SPAG16: variants seen among roughly 807,000 people sequenced by gnomAD.
The protein encoded by SPAG16 is sperm associated antigen 16.
Under a neutral mutation model 80.4 loss-of-function variants are expected in SPAG16, and 86 were observed. The ratio of observed to expected loss-of-function variants is 1.07; its 90% CI spans 0.90 to 1.28. The LOEUF (loss-of-function observed/expected upper bound fraction) is 1.28, where lower values mean the gene tolerates loss of function less well. Among genes scored for constraint, SPAG16 ranks in the 50% most tolerant of loss-of-function variants. The pLI, the probability that SPAG16 is intolerant of heterozygous loss-of-function variation, is 0.00. For missense variants in SPAG16, 870 were observed against 765.3 expected (o/e 1.14, Z -1.61); for synonymous variants, 294 against 265.9 (o/e 1.11, Z -1.03).
At chr2:213,603,137 C>A (rs1339972794) in intron 10 of SPAG16, among the ~76,000 whole-genome samples, 1 of 152,206 alleles carries the variant, frequency 6.6e-6, no homozygotes, top group Non-Finnish European at 1.5e-5. Context: ...ACTGAAGAGG[C>A]AGAGGCAGCC....
At chr2:214,120,455 T>G (rs1334043786) in intron 14 of SPAG16, among the ~76,000 whole-genome samples, 1 of 151,880 alleles carries the variant, frequency 6.6e-6, no homozygotes, top group Non-Finnish European at 1.5e-5. Context: ...TGATCTATAA[T>G]TTCTATAAAT....
intron 14 of SPAG16, among the ~76,000 whole-genome samples, chr2:214,109,619 C>T (rs1407863116): frequency 6.6e-6 from 1 of 152,146 alleles, no homozygotes; most frequent in Non-Finnish European, 1.5e-5. Context: ...GTTGATTGCT[C>T]CAATTGAAAT....
chr2:213,811,017 G>A (rs2072118495), intron 10 of SPAG16, among the ~76,000 whole-genome samples: 1 of 152,146 alleles, frequency 6.6e-6, no homozygotes, highest in African/African-American at 2.4e-5. Context: ...CAAGGGTGTA[G>A]TAGTGATGAA....
At chr2:214,337,437 T>C (rs1184507595) in intron 15 of SPAG16, among the ~76,000 whole-genome samples, 1 of 152,222 alleles carries the variant, frequency 6.6e-6, no homozygotes, top group African/African-American at 2.4e-5. Flanking sequence ...ATATCAGGGA[T>C]GTAGATGGCT....
intron 15 of SPAG16, among the ~76,000 whole-genome samples, chr2:214,193,699 A>G (rs2057741858): frequency 6.6e-6 from 1 of 152,092 alleles, no homozygotes; most frequent in African/African-American, 2.4e-5. Context: ...TACTCACTAA[A>G]TGATGGTTCC....
At chr2:213,655,696 C>G (rs1490524113) in intron 10 of SPAG16, among the ~76,000 whole-genome samples, 4 of 152,118 alleles carry the variant, frequency 2.6e-5, no homozygotes, top group Non-Finnish European at 5.9e-5. Flanking sequence ...CCAAATCTGT[C>G]CTTGAATAAA....
chr2:214,001,604 C>G (rs886238315), intron 12 of SPAG16, among the ~76,000 whole-genome samples: 1 of 152,158 alleles, frequency 6.6e-6, no homozygotes, highest in African/African-American at 2.4e-5. Flanking sequence ...TGACATTTCA[C>G]TTTTAGCTCT....
At chr2:214,137,899 A>G (rs2055147167) in intron 14 of SPAG16, among the ~76,000 whole-genome samples, 1 of 152,170 alleles carries the variant, frequency 6.6e-6, no homozygotes, top group African/African-American at 2.4e-5. Context: ...CAATGCTGTC[A>G]TTAAAAATCT....
intron 6 of SPAG16, among the ~76,000 whole-genome samples, chr2:213,350,065 T>A (rs1339084347): frequency 6.6e-6 from 1 of 152,206 alleles, no homozygotes; most frequent in African/African-American, 2.4e-5. Flanking sequence ...ATCAAAATGT[T>A]TTTATACTTA....
At position 213,350,612 on chromosome 2, in the gene SPAG16, G is replaced by C. The variant is rs1350560532; in HGVS notation, c.729G>C (p.Leu243=). ...ACACTTTACTGAAGGAGAAAATGCT[G>C]ACCTCCTTGGAAAGAGACAAAGTAG... The part of the protein sequence containing the change: ...KHHTLLKEKM[L]TSLERDKVVG... Residue 243 remains leucine, a synonymous_variant, in exon 7 of 16, where the codon CTG becomes CTC. Coordinates refer to ENST00000331683, the MANE Select transcript of SPAG16 (RefSeq NM_024532.5). The C allele has an allele frequency of 1.2e-5, 20 of 1,602,242 alleles. No homozygotes were observed. Among genetic ancestry groups the C allele is most frequent in the African/African-American group, 2.7e-5 (2 of 74,322 alleles).
intron 11 of SPAG16, among the ~76,000 whole-genome samples, chr2:213,884,691 T>G (rs1455047960): frequency 6.6e-6 from 1 of 152,206 alleles, no homozygotes; most frequent in Non-Finnish European, 1.5e-5. Flanking sequence ...TTTGTTCATG[T>G]TTTAAAATTG....
At chr2:214,381,252 T>C (rs1441191243) in intron 15 of SPAG16, among the ~76,000 whole-genome samples, 1 of 152,192 alleles carries the variant, frequency 6.6e-6, no homozygotes, top group Non-Finnish European at 1.5e-5. Context: ...AGAAAACACA[T>C]GCTAAAGCTA....
chr2:213,702,243 A>T lies in SPAG16; in HGVS notation c.1071-160242A>T, dbSNP rs185077338. Among the ~76,000 whole-genome samples, 4 of 152,306 alleles carry T rather than the reference A, an allele frequency of 2.6e-5. No individual in the cohort carries two copies. The East Asian group carries it at 5.8e-4, about 22-fold the overall frequency. ...GACCAATCAGCTCTCTGTAAAATGG[A>T]CCAATCAGCAGGATGTGGGTGGGGC... On this transcript the variant is annotated intron_variant, in intron 10 of 15. Coordinates refer to ENST00000331683, the MANE Select transcript of SPAG16 (RefSeq NM_024532.5).
At chr2:213,607,957 A>G (rs112261761) in intron 10 of SPAG16, among the ~76,000 whole-genome samples, 10 of 152,294 alleles carry the variant, frequency 6.6e-5, no homozygotes, top group African/African-American at 2.2e-4. Context: ...TCCATTTACA[A>G]TACTTTAGAA....
rs186865199 is a variant in SPAG16, at chr2:214,144,372, A to C, written c.1594-4768A>C. 4.6e-3 allele frequency among the ~76,000 whole-genome samples: 699 copies of C among 152,276 alleles called. 2 individuals are homozygous for C. The highest frequency in any genetic ancestry group is 0.016 in the African/African-American group (664 of 41,562). On this transcript the variant is annotated intron_variant, in intron 14 of 15. Transcript: ENST00000331683. ...TAATCATTGTACATGTGTATTATAT[A>C]CTTTAATGTAACCACAGTTTGGCAT...
intron 9 of SPAG16, among the ~76,000 whole-genome samples, chr2:213,425,546 A>G (rs765607676): frequency 6.6e-6 from 1 of 151,064 alleles, no homozygotes; most frequent in Admixed American, 6.6e-5. Context: ...CAGCTACTCA[A>G]GAGGCTGAGG....
At chr2:213,370,772 A>C (rs2125173064) in intron 8 of SPAG16, among the ~76,000 whole-genome samples, 1 of 152,356 alleles carries the variant, frequency 6.6e-6, no homozygotes, top group African/African-American at 2.4e-5. Context: ...AATTCATACA[A>C]GAACATATTG....
chr2:214,273,374 T>G (rs1044965754), intron 15 of SPAG16, among the ~76,000 whole-genome samples: 4 of 152,206 alleles, frequency 2.6e-5, no homozygotes, highest in Admixed American at 1.3e-4. Flanking sequence ...CCCATGCCTA[T>G]GTCCTGAATG....
intron 10 of SPAG16, among the ~76,000 whole-genome samples, chr2:213,763,230 A>C (rs934097796): frequency 5.2e-5 from 4 of 76,304 alleles, no homozygotes; most frequent in Non-Finnish European, 9.5e-5. Context: ...AGGTTCCTCA[A>C]AAAAATCAAA....
Sources: allele counts gnomAD v4.1 joint callset (sites outside exome capture counted in the v4.1 genomes callset), GRCh38; gene constraint gnomAD v4.1.1; transcripts MANE v1.5; gene names NCBI Gene and HGNC (gene_info 2026-07-23, HGNC 2026-07-21).